The following TAFA1 variants were observed in gnomAD, a reference collection of about 807,000 sequenced individuals.
The protein encoded by TAFA1 is chemokine-like protein TAFA-1.
Under a neutral mutation model 18.5 loss-of-function variants are expected in TAFA1, and 4 were observed. The ratio of observed to expected loss-of-function variants is 0.22; its 90% CI spans 0.11 to 0.49. TAFA1 has a LOEUF of 0.49. TAFA1 is among the 20% of genes least tolerant of loss of function. The pLI, the probability that TAFA1 is intolerant of heterozygous loss-of-function variation, is 0.98. For missense variants in TAFA1, 147 were observed against 169.0 expected, an observed-to-expected ratio of 0.87 and a Z score of 0.72; for synonymous variants, 56 against 55.2, an observed-to-expected ratio of 1.01 and a Z score of -0.06.
intron 2 of TAFA1, among the ~76,000 whole-genome samples, chr3:68,176,444 T>C (rs1191128266): frequency 6.6e-6 from 1 of 152,202 alleles, no homozygotes; most frequent in African/African-American, 2.4e-5. Context: ...ATTGCACCAC[T>C]GCACTCCAGC....
intron 2 of TAFA1, among the ~76,000 whole-genome samples, chr3:68,298,676 A>G (rs1019682772): frequency 5.9e-5 from 9 of 152,258 alleles, no homozygotes; most frequent in African/African-American, 2.2e-4. Context: ...TGATGGTTTT[A>G]TAAGTGTTAG....
intron 2 of TAFA1, among the ~76,000 whole-genome samples, chr3:68,249,299 C>A (rs2067145180): frequency 2.0e-5 from 3 of 152,186 alleles, no homozygotes; most frequent in Non-Finnish European, 1.5e-5. Context: ...ACCGGGCAGA[C>A]CCTTTCTACC....
At chr3:68,466,387 T>C (rs2071884980) in intron 3 of TAFA1, among the ~76,000 whole-genome samples, 1 of 152,150 alleles carries the variant, frequency 6.6e-6, no homozygotes, top group African/African-American at 2.4e-5. Context: ...GAAGATTGTT[T>C]ATTCTGATGG....
At chr3:68,274,174 T>G (rs1484247647) in intron 2 of TAFA1, among the ~76,000 whole-genome samples, 2 of 152,208 alleles carry the variant, frequency 1.3e-5, no homozygotes, top group African/African-American at 4.8e-5. Context: ...TGTGCATGAA[T>G]TTCCAATTCC....
At chr3:68,452,421 G>C (rs564014290) in intron 3 of TAFA1, among the ~76,000 whole-genome samples, 99 of 151,240 alleles carry the variant, frequency 6.5e-4, no homozygotes, top group Non-Finnish European at 1.2e-3. Flanking sequence ...TACTCGGGAG[G>C]CTGAGACAGG....
chr3:68,539,369 A>G (rs2073330037), intron 4 of TAFA1, among the ~76,000 whole-genome samples: 1 of 151,990 alleles, frequency 6.6e-6, no homozygotes, highest in African/African-American at 2.4e-5. Flanking sequence ...TTCTTTGGTT[A>G]AATCAGGAGT....
At chr3:68,291,255 T>C (rs2068101068) in intron 2 of TAFA1, among the ~76,000 whole-genome samples, 1 of 152,190 alleles carries the variant, frequency 6.6e-6, no homozygotes, top group East Asian at 1.9e-4. Context: ...AGCTAGAGTC[T>C]CGGACTGTAA....
intron 2 of TAFA1, among the ~76,000 whole-genome samples, chr3:68,117,336 G>A (rs1032133192): frequency 1.3e-5 from 2 of 152,120 alleles, no homozygotes; most frequent in Non-Finnish European, 2.9e-5. Flanking sequence ...TCCCAAGCTC[G>A]CTTTCATTCT....
At chr3:68,535,849 G>T (rs2073271735) in intron 3 of TAFA1, among the ~76,000 whole-genome samples, 1 of 152,104 alleles carries the variant, frequency 6.6e-6, no homozygotes. Context: ...ATGGGGGAAA[G>T]TTTTTGTTAG....
intron 3 of TAFA1, among the ~76,000 whole-genome samples, chr3:68,523,257 C>G (rs374015984): frequency 1.3e-5 from 2 of 152,150 alleles, no homozygotes; most frequent in African/African-American, 4.8e-5. Context: ...CCCAGTGTTG[C>G]TAGTCTTCCT....
intron 2 of TAFA1, among the ~76,000 whole-genome samples, chr3:68,063,400 G>A (rs1473848341): frequency 6.6e-6 from 1 of 152,128 alleles, no homozygotes; most frequent in East Asian, 1.9e-4. Flanking sequence ...AATTTGGCAT[G>A]CACCATAATT....
intron 2 of TAFA1, among the ~76,000 whole-genome samples, chr3:68,103,103 C>T (rs1305763205): frequency 6.6e-6 from 1 of 152,188 alleles, no homozygotes; most frequent in Non-Finnish European, 1.5e-5. Flanking sequence ...ATAAAGGGCT[C>T]TGGTGTCCAA....
the TAFA1 span, among the ~76,000 whole-genome samples, chr3:67,993,626 C>T: frequency 4.9e-4 from 75 of 152,228 alleles, no homozygotes; most frequent in African/African-American, 1.7e-3. Context: ...CTATTCCTGG[C>T]CACATAAGGT....
At chr3:68,487,519 G>A (rs1011297496) in intron 3 of TAFA1, among the ~76,000 whole-genome samples, 3 of 151,920 alleles carry the variant, frequency 2.0e-5, no homozygotes, top group South Asian at 4.2e-4. Flanking sequence ...AGGCCGAGGC[G>A]GGCGGATCAC....
At chr3:68,524,655 TTTTTTG>T (rs894121760) in intron 3 of TAFA1, among the ~76,000 whole-genome samples, 3 of 150,576 alleles carry the variant, frequency 2.0e-5, no homozygotes, top group African/African-American at 2.4e-5. Flanking sequence ...TTCTAGGTTG[TTTTTTG>T]TTTTTGTTTT....
At chr3:68,435,044 G>A (rs1200622661) in intron 3 of TAFA1, among the ~76,000 whole-genome samples, 3 of 152,098 alleles carry the variant, frequency 2.0e-5, no homozygotes, top group Non-Finnish European at 4.4e-5. Flanking sequence ...AAAGTTGTGT[G>A]ATGTGTGCTC....
At chr3:68,333,065 T>A (rs1398501289) in intron 2 of TAFA1, among the ~76,000 whole-genome samples, 1 of 152,202 alleles carries the variant, frequency 6.6e-6, no homozygotes, top group African/African-American at 2.4e-5. Flanking sequence ...AAATATAAAT[T>A]AGTTTAGCCA....
chr3:68,386,546 A>T (rs1428741134), intron 2 of TAFA1, among the ~76,000 whole-genome samples: 3 of 151,434 alleles, frequency 2.0e-5, no homozygotes, highest in Non-Finnish European at 4.4e-5. Flanking sequence ...TAGCCTGACA[A>T]TCCTGGAGGA....
intron 3 of TAFA1, among the ~76,000 whole-genome samples, chr3:68,524,530 A>G (rs910525415): frequency 2.6e-5 from 4 of 152,166 alleles, no homozygotes; most frequent in Non-Finnish European, 5.9e-5. Flanking sequence ...AATAAAATCA[A>G]AATGAATTGG....
Sources: gnomAD v4.1 joint callset for allele counts (sites outside exome capture counted in the v4.1 genomes callset) on GRCh38, gnomAD v4.1.1 for gene constraint, MANE v1.5 for transcripts, NCBI Gene and HGNC (gene_info 2026-07-23, HGNC 2026-07-21) for gene names.